Variants in RBFOX1 observed in about 807,000 individuals in gnomAD.
RBFOX1 encodes RNA binding protein fox-1 homolog 1.
A neutral mutation model predicts 57.7 loss-of-function variants in RBFOX1; 8 were observed. The ratio of observed to expected loss-of-function variants is 0.14; its 90% CI spans 0.08 to 0.25. The LOEUF (loss-of-function observed/expected upper bound fraction) is 0.25. Among genes scored for constraint, RBFOX1 ranks in the 10% least tolerant of loss-of-function variants. RBFOX1 has a pLI of 1.00. For synonymous variants in RBFOX1, 326 were observed against 222.4 expected (o/e 1.47, Z -4.15); for missense variants, 611 against 548.5 (o/e 1.11, Z -1.14).
intron 4 of RBFOX1, among the ~76,000 whole-genome samples, chr16:7,240,009 C>T (rs1212019792): frequency 1.3e-5 from 2 of 152,148 alleles, no homozygotes; most frequent in African/African-American, 2.4e-5. Flanking sequence ...CTCTGTCGCC[C>T]AGGCTGGAGT....
At chr16:6,983,214 T>C (rs1182413046) in intron 3 of RBFOX1, among the ~76,000 whole-genome samples, 1 of 152,062 alleles carries the variant, frequency 6.6e-6, no homozygotes, top group African/African-American at 2.4e-5. Flanking sequence ...TCTGACTCTG[T>C]CACCCGCTTT....
At chr16:7,026,948 G>C (rs536354529) in intron 3 of RBFOX1, among the ~76,000 whole-genome samples, 1 of 152,294 alleles carries the variant, frequency 6.6e-6, no homozygotes, top group Non-Finnish European at 1.5e-5. Flanking sequence ...AGGCTGCAAA[G>C]TGCTTGGGTG....
At chr16:7,197,404 G>A (rs1220384741) in intron 4 of RBFOX1, among the ~76,000 whole-genome samples, 1 of 142,516 alleles carries the variant, frequency 7.0e-6, no homozygotes, top group Non-Finnish European at 1.5e-5. Context: ...AAGTTAAAAG[G>A]TAGTCATGGG....
At chr16:7,589,704 T>C (rs980426876) in intron 7 of RBFOX1, among the ~76,000 whole-genome samples, 1 of 152,098 alleles carries the variant, frequency 6.6e-6, no homozygotes, top group South Asian at 2.1e-4. Flanking sequence ...TTATCCTTTA[T>C]GGGAAAGGGC....
intron 2 of RBFOX1, among the ~76,000 whole-genome samples, chr16:6,586,611 C>G (rs897411162): frequency 2.0e-5 from 3 of 152,154 alleles, no homozygotes; most frequent in African/African-American, 7.2e-5. Context: ...ATACTTCTTC[C>G]CACATTACAC....
At chr16:5,725,026 A>C (rs1489990377) in intron 3 of RBFOX1, among the ~76,000 whole-genome samples, 1 of 152,236 alleles carries the variant, frequency 6.6e-6, no homozygotes, top group East Asian at 1.9e-4. Flanking sequence ...GGTGAAATCC[A>C]ATCCGATCAA....
In RBFOX1 at chr16:5,947,700, G is replaced by A. The variant is rs1447262123; in HGVS notation, c.351+80365G>A. ...GTAAATCTGCCCTTTTGAGAGAGTGGGGTTAGGGATTTCTGCACCCTTTTT... is the reference window on the plus strand; with the variant it reads ...GTAAATCTGCCCTTTTGAGAGAGTGAGGTTAGGGATTTCTGCACCCTTTTT... On this transcript the variant is annotated intron_variant, in intron 4 of 19. Coordinates refer to the RBFOX1 transcript ENST00000641259. The surrounding 1 kb of genome is among the most constrained non-coding windows in gnomAD (Gnocchi z 7.2). Among the ~76,000 whole-genome samples the A allele has an allele frequency of 1.3e-5, 2 of 151,990 alleles. No homozygotes were observed. Among genetic ancestry groups the A allele is most frequent in the Non-Finnish European group, 2.9e-5 (2 of 68,004 alleles).
chr16:5,308,159 G>A (rs912165769), intron 1 of RBFOX1, among the ~76,000 whole-genome samples: 5 of 152,060 alleles, frequency 3.3e-5, no homozygotes, highest in Admixed American at 6.6e-5. Flanking sequence ...AGCCAGCATA[G>A]TGAAGCCCCA....
At chr16:6,290,222 A>G (rs1393744556) in intron 1 of RBFOX1, among the ~76,000 whole-genome samples, 1 of 148,464 alleles carries the variant, frequency 6.7e-6, no homozygotes, top group Admixed American at 6.8e-5. Context: ...TGTTGTGAGC[A>G]TAGCAGTGAT....
intron 3 of RBFOX1, among the ~76,000 whole-genome samples, chr16:6,894,835 A>C (rs1232449531): frequency 6.6e-6 from 1 of 152,230 alleles, no homozygotes. Flanking sequence ...GTCCAGAATA[A>C]GACATGTTGG....
intron 11 of RBFOX1, among the ~76,000 whole-genome samples, chr16:7,639,975 C>G (rs1333832057): frequency 6.6e-6 from 1 of 152,236 alleles, no homozygotes; most frequent in Non-Finnish European, 1.5e-5. Flanking sequence ...TTCTCCATCA[C>G]TGAAGCACCA....
chr16:6,182,430 C>T (rs1238546223), intron 1 of RBFOX1, among the ~76,000 whole-genome samples: 1 of 152,142 alleles, frequency 6.6e-6, no homozygotes, highest in African/African-American at 2.4e-5. Flanking sequence ...GTTTTCTTTA[C>T]AGATGTACGT....
intron 4 of RBFOX1, among the ~76,000 whole-genome samples, chr16:7,358,103 T>A (rs557384916): frequency 6.6e-6 from 1 of 152,210 alleles, no homozygotes; most frequent in Non-Finnish European, 1.5e-5. Context: ...TTTACAAGAC[T>A]TCCACTTCTT....
chr16:6,002,488 T>C (rs1304124020), intron 4 of RBFOX1, among the ~76,000 whole-genome samples: 1 of 152,188 alleles, frequency 6.6e-6, no homozygotes, highest in Admixed American at 6.5e-5. Flanking sequence ...CCCTGTTGTT[T>C]AAAACAGGAA....
chr16:6,765,353 C>T (rs879674727), intron 3 of RBFOX1, among the ~76,000 whole-genome samples: 42 of 152,132 alleles, frequency 2.8e-4, no homozygotes, highest in African/African-American at 9.7e-4. Flanking sequence ...ATAGCAAATA[C>T]GGCTTGTTGG....
At chr16:6,327,003 C>T (rs767284048) in intron 2 of RBFOX1, among the ~76,000 whole-genome samples, 7 of 152,246 alleles carry the variant, frequency 4.6e-5, no homozygotes, top group East Asian at 1.9e-4. Flanking sequence ...TCTTTGTGCT[C>T]GTTTTAAACT....
In RBFOX1 at chr16:7,711,698, T is replaced by TC. The variant is rs2084025771; in HGVS notation, c.*953_*954insC. 1 of 152,646 alleles carries TC rather than the reference T, an allele frequency of 6.6e-6. No individual in the cohort carries two copies. The highest frequency in any genetic ancestry group is 1.5e-5 in the Non-Finnish European group (1 of 68,028). The allele number at this position is 152,646 out of a possible 1,614,324, so 9.5% of individuals were successfully genotyped here. A position where few individuals can be genotyped will look rare whatever the true frequency, so the allele number is the denominator to read the frequency against. ...ATTTACATCTGTGCAGTGGAGTTGT[T>TC]AAGTTCTAGAAACAGTCTATGAAGC... On this transcript the variant is annotated 3_prime_UTR_variant, in exon 16 of 16. Transcript: ENST00000550418.
At chr16:6,177,579 T>C (rs1250948021) in intron 1 of RBFOX1, among the ~76,000 whole-genome samples, 1 of 152,192 alleles carries the variant, frequency 6.6e-6, no homozygotes, top group Non-Finnish European at 1.5e-5. Context: ...TCCTGTTTCA[T>C]CTTCTATGAA....
chr16:7,080,237 T>C (rs956961925), intron 4 of RBFOX1, among the ~76,000 whole-genome samples: 2 of 152,070 alleles, frequency 1.3e-5, no homozygotes, highest in African/African-American at 4.8e-5. Flanking sequence ...TGACCTCTGA[T>C]TTCATGCAGC....
Sources: allele counts gnomAD v4.1 joint callset (sites outside exome capture counted in the v4.1 genomes callset), GRCh38; gene constraint gnomAD v4.1.1; non-coding constraint Gnocchi (gnomAD v3.1); transcripts MANE v1.5; gene names NCBI Gene and HGNC (gene_info 2026-07-23, HGNC 2026-07-21).